Variants in BAG5 observed in about 807,000 individuals in gnomAD.
The protein encoded by BAG5 is BAG cochaperone 5.
Under a neutral mutation model 31.8 loss-of-function variants are expected in BAG5, and 25 were observed. That is an observed-to-expected ratio of 0.79 (90% CI 0.57 to 1.10). BAG5 has a LOEUF of 1.10. Ranked by LOEUF, BAG5 falls within the 50% of genes least tolerant of loss-of-function variation. The pLI is 0.00. For synonymous variants in BAG5, 208 were observed against 205.0 expected (o/e 1.01, Z -0.13); for missense variants, 491 against 527.9 (o/e 0.93, Z 0.68).
At position 103,560,095 on chromosome 14, in the gene BAG5, A is replaced by G; in HGVS notation, c.1070T>C (p.Leu357Pro). 1 of 1,614,148 alleles carries G rather than the reference A, an allele frequency of 6.2e-7. No individual in the cohort carries two copies. Among genetic ancestry groups the G allele is most frequent in the Non-Finnish European group, 8.5e-7 (1 of 1,180,038 alleles). ...GGATGGGTGCTCCTCACAAGCAAAC[A>G]GCTTTCTTTTCTCAAGGGCCTCCTT... ...DLKEALEKRK[L>P]FACEEHPSHK... is the part of the protein sequence containing the mutation. The change falls in exon 2 of 2, where the codon CTG becomes CCG. Residue 357 changes from leucine to proline, a missense_variant. Physicochemically the swap from Leu to Pro is moderately conservative, Grantham distance 98. Transcript: ENST00000299204.
At position 103,557,009 on chromosome 14, in the gene BAG5, T is replaced by C. The variant is rs1237850979; in HGVS notation, c.*2812A>G. 1.3e-5 allele frequency: 2 copies of C among 152,252 alleles called. No homozygotes were observed. Among genetic ancestry groups the C allele is most frequent in the African/African-American group, 4.8e-5 (2 of 41,464 alleles). The allele number at this position is 152,252 out of a possible 1,614,324, so 9.4% of individuals were successfully genotyped here. On this transcript the variant is annotated 3_prime_UTR_variant, in exon 2 of 2. Transcript: ENST00000299204. Reference sequence around the variant, plus strand: ...TACATTTATTTTAATAACTACTTCATTATAGGCTGACTGGCTTTCCTGTGT... The same window carrying C: ...TACATTTATTTTAATAACTACTTCACTATAGGCTGACTGGCTTTCCTGTGT...
intron 1 of BAG5, 26 bp downstream of exon 1, chr14:103,562,590 A>C: frequency 6.0e-6 from 1 of 166,504 alleles, no homozygotes. Context: ...AGAGAGGGAA[A>C]AGGCTACAAG....
intron 1 of BAG5, among the ~76,000 whole-genome samples, chr14:103,561,594 A>C (rs2076075226): frequency 6.6e-6 from 1 of 152,196 alleles, no homozygotes; most frequent in African/African-American, 2.4e-5. Flanking sequence ...TAGTTTCCAG[A>C]AACTCTAAGC....
intron 1 of BAG5, chr14:103,561,775 G>A (rs952342366): frequency 3.1e-6 from 2 of 641,674 alleles, no homozygotes; most frequent in Non-Finnish European, 5.5e-6. Context: ...AGGTAAAGAA[G>A]AGCGACCGGG....
intron 1 of BAG5, chr14:103,561,672 T>C (rs2076075771): frequency 2.0e-6 from 1 of 497,564 alleles, no homozygotes; most frequent in Non-Finnish European, 3.6e-6. Context: ...TCTTCGTTTC[T>C]CTCCATCCCT....
rs1357683541 is a variant in BAG5 at position 103,558,269 on chromosome 14, G to T, written c.*1552C>A. ...ATTGGGAAATACTGAGAGACAAGCT[G>T]AAGATTTGTTAAGGGCTATGCTTCT... is the stretch of plus-strand genomic sequence containing the variant. On this transcript the variant is annotated 3_prime_UTR_variant, in exon 2 of 2. Transcript: ENST00000299204. 1.1e-4 allele frequency: 16 copies of T among 152,206 alleles called. No individual in the cohort carries two copies. Among genetic ancestry groups the T allele is most frequent in the African/African-American group, 3.6e-4 (15 of 41,448 alleles). 9.4% of individuals were successfully genotyped at this position (152,206 alleles called of 1,614,324 possible). A position where few individuals can be genotyped will look rare whatever the true frequency, so the allele number is the denominator to read the frequency against.
In BAG5 at chr14:103,559,899, A is replaced by T. The variant is rs2076059261; in HGVS notation, c.1266T>A (p.Ala422=). The T allele has an allele frequency of 1.9e-6, 3 of 1,614,204 alleles. No individual in the cohort carries two copies. The highest frequency in any genetic ancestry group is 1.7e-6 in the Non-Finnish European group (2 of 1,180,038). Residue 422 remains alanine (A), a synonymous_variant, in exon 2 of 2, where the codon GCT becomes GCA. Transcript: ENST00000299204. ...VDPQGEEKCK[A]ARKQAVRLAQ... ...CAAGCCTCACAGCTTGTTTCCTGGCAGCCTTACACTTCTCTTCTCCCTGCG... is the reference window on the plus strand; with the variant it reads ...CAAGCCTCACAGCTTGTTTCCTGGCTGCCTTACACTTCTCTTCTCCCTGCG...
Position 103,559,690 on chromosome 14 carries a change from GA to G in BAG5, c.*130del. The G allele has an allele frequency of 9.2e-7, 1 of 1,081,878 alleles. No individual in the cohort carries two copies. The highest frequency in any genetic ancestry group is 1.3e-6 in the Non-Finnish European group (1 of 760,976). 67.0% of individuals were successfully genotyped at this position (1,081,878 alleles called of 1,614,324 possible). ...TGCAACATCAAAAGCAGCAGATACT[GA>G]ATAGAATTTGCTTCAATCATAAATA... On this transcript the variant is annotated 3_prime_UTR_variant, in exon 2 of 2. Transcript: ENST00000299204.
chr14:103,558,014 TTCC>T lies in BAG5; in HGVS notation c.*1804_*1806del. On this transcript the variant is annotated 3_prime_UTR_variant, in exon 2 of 2. Coordinates refer to ENST00000299204, the MANE Select transcript of BAG5 (RefSeq NM_001015048.3). ...AAAAATAAATAAAAAATAAAAACTC[TTCC>T]TCAAGATTTTAAGAGCATTCTAAAA... 6.6e-6 allele frequency: 1 copy of T among 152,076 alleles called. No homozygotes were observed. 9.4% of individuals were successfully genotyped at this position (152,076 alleles called of 1,614,324 possible). A position where few individuals can be genotyped will look rare whatever the true frequency, so the allele number is the denominator to read the frequency against.
At position 103,560,469 on chromosome 14, in the gene BAG5, C is replaced by T. The variant is rs1417605701; in HGVS notation, c.696G>A (p.Val232=). The T allele has an allele frequency of 6.2e-7, 1 of 1,614,106 alleles. No homozygotes were observed. Among genetic ancestry groups the T allele is most frequent in the Non-Finnish European group, 8.5e-7 (1 of 1,180,038 alleles). ...AATTTCTGATTTCTGTCCGGCCGCA[C>T]ACATCTAGAGCATCCAGGTCAGCGA... is the stretch of plus-strand genomic sequence containing the variant. ...GLIADLDALD[V]CGRTEIRNYR... is the part of the protein sequence containing the mutation. The change falls in exon 2 of 2, where the codon GTG becomes GTA. Residue 232 remains valine (V), a synonymous_variant. Transcript: ENST00000299204.
In BAG5 at chr14:103,559,631, T is replaced by C. The variant is rs1047678272; in HGVS notation, c.*190A>G. On this transcript the variant is annotated 3_prime_UTR_variant, in exon 2 of 2. Transcript: ENST00000299204. ...CACATCATACAGATAATGATCCGAA[T>C]GGAAAAGTTAACGTGCTGTAATGAT... 7.4e-6 allele frequency: 5 copies of C among 672,630 alleles called. No homozygotes were observed. The highest frequency in any genetic ancestry group is 7.2e-5 in the African/African-American group (4 of 55,262). The allele number at this position is 672,630 out of a possible 1,614,324, so 41.7% of individuals were successfully genotyped here. A position where few individuals can be genotyped will look rare whatever the true frequency, so the allele number is the denominator to read the frequency against.
chr14:103,561,846 T>C (rs1395666523), intron 1 of BAG5: 1 of 1,203,722 alleles, frequency 8.3e-7, no homozygotes. Context: ...GCCCCCAACA[T>C]GCTCCACTCT....
At position 103,557,291 on chromosome 14, in the gene BAG5, G is replaced by C. The variant is rs2076044155; in HGVS notation, c.*2530C>G. On this transcript the variant is annotated 3_prime_UTR_variant, in exon 2 of 2. Transcript: ENST00000299204. ...AACAGCTCCCCACGAAGGCCGACAA[G>C]AGCTAAATCCGGTGTCAACAGGGTT... is the stretch of plus-strand genomic sequence containing the variant. 1.3e-5 allele frequency: 2 copies of C among 152,232 alleles called. No individual in the cohort carries two copies. Among genetic ancestry groups the C allele is most frequent in the African/African-American group, 4.8e-5 (2 of 41,432 alleles). The allele number at this position is 152,232 out of a possible 1,614,324, so 9.4% of individuals were successfully genotyped here. A position where few individuals can be genotyped will look rare whatever the true frequency, so the allele number is the denominator to read the frequency against.
In BAG5 at chr14:103,558,597, G is replaced by A. The variant is rs559305464; in HGVS notation, c.*1224C>T. The A allele has an allele frequency of 2.0e-5, 3 of 152,282 alleles. No individual in the cohort carries two copies. The highest frequency in any genetic ancestry group is 2.1e-4 in the South Asian group (1 of 4,828). 9.4% of individuals were successfully genotyped at this position (152,282 alleles called of 1,614,324 possible). On this transcript the variant is annotated 3_prime_UTR_variant, in exon 2 of 2. Coordinates refer to ENST00000299204, the MANE Select transcript of BAG5 (RefSeq NM_001015048.3). ...TTTAGAAGAGAGATGCTTCACGCAC[G>A]ACTGACTTTAATGGCTCTTTCAGGC...
chr14:103,561,875 G>A (rs369258225), intron 1 of BAG5: 3 of 1,494,344 alleles, frequency 2.0e-6, no homozygotes, highest in Non-Finnish European at 1.9e-6. Context: ...AAAACAACCC[G>A]CGAAAACGTG....
chr14:103,558,730 G>A lies in BAG5; in HGVS notation c.*1091C>T, dbSNP rs1221482548. 6.6e-6 allele frequency: 1 copy of A among 152,236 alleles called. No homozygotes were observed. Among genetic ancestry groups the A allele is most frequent in the Admixed American group, 6.5e-5 (1 of 15,286 alleles). 9.4% of individuals were successfully genotyped at this position (152,236 alleles called of 1,614,324 possible). A position where few individuals can be genotyped will look rare whatever the true frequency, so the allele number is the denominator to read the frequency against. On this transcript the variant is annotated 3_prime_UTR_variant, in exon 2 of 2. Transcript: ENST00000299204. ...TTCACTGATTGGTCCTGGAGCAGGT[G>A]TAGTTATGACATTTACTAAGTGAGT...
Position 103,559,968 on chromosome 14 carries a change from T to C in BAG5, c.1197A>G (p.Glu399=). The part of the protein sequence containing the change: ...NRTDKNYIRL[E]ELLTKQLLAL... ...CTAGCAGCTGCTTGGTGAGCAGCTC[T>C]TCCAGCCGGATGTAGTTCTTATCGG... is the stretch of plus-strand genomic sequence containing the variant. The change falls in exon 2 of 2, where the codon GAA becomes GAG. Residue 399 remains glutamate, a synonymous_variant. Transcript: ENST00000299204. 1.2e-6 allele frequency: 2 copies of C among 1,614,222 alleles called. No individual in the cohort carries two copies. Among genetic ancestry groups the C allele is most frequent in the Non-Finnish European group, 1.7e-6 (2 of 1,180,044 alleles).
In BAG5 at chr14:103,558,770, T is replaced by C. The variant is rs2076052445; in HGVS notation, c.*1051A>G. The C allele has an allele frequency of 6.6e-6, 1 of 152,206 alleles. No homozygotes were observed. Among genetic ancestry groups the C allele is most frequent in the South Asian group, 2.1e-4 (1 of 4,826 alleles). The allele number at this position is 152,206 out of a possible 1,614,324, so 9.4% of individuals were successfully genotyped here. A position where few individuals can be genotyped will look rare whatever the true frequency, so the allele number is the denominator to read the frequency against. On this transcript the variant is annotated 3_prime_UTR_variant, in exon 2 of 2. Coordinates refer to ENST00000299204, the MANE Select transcript of BAG5 (RefSeq NM_001015048.3). ...ACTAAGTGAGTGGTTAACAGCTGACTGCCTAGAAAACCTAGGAAGGCCTGG... is the reference window on the plus strand; with the variant it reads ...ACTAAGTGAGTGGTTAACAGCTGACCGCCTAGAAAACCTAGGAAGGCCTGG...
chr14:103,559,777 C>G lies in BAG5; in HGVS notation c.*44G>C. ...TGAAAGCTCTCTATACATAGAAGCA[C>G]ATATGAAGTGCAAAACAGTATCAAA... On this transcript the variant is annotated 3_prime_UTR_variant, in exon 2 of 2. Transcript: ENST00000299204. 1 of 1,584,206 alleles carries G rather than the reference C, an allele frequency of 6.3e-7. No homozygotes were observed. Among genetic ancestry groups the G allele is most frequent in the Non-Finnish European group, 8.6e-7 (1 of 1,164,688 alleles).
Sources: allele counts gnomAD v4.1 joint callset (sites outside exome capture counted in the v4.1 genomes callset), GRCh38; gene constraint gnomAD v4.1.1; transcripts MANE v1.5; gene names NCBI Gene and HGNC (gene_info 2026-07-23, HGNC 2026-07-21).